The following PTPRM variants were observed in gnomAD, a reference collection of about 807,000 sequenced individuals.
PTPRM encodes protein tyrosine phosphatase receptor type M.
PTPRM carries 47 observed loss-of-function variants against 186.7 expected under a neutral mutation model. The ratio of observed to expected loss-of-function variants is 0.25; its 90% CI spans 0.20 to 0.32. The LOEUF (loss-of-function observed/expected upper bound fraction) is 0.32, where lower values mean the gene tolerates loss of function less well. PTPRM is among the 10% of genes least tolerant of loss of function. The pLI is 1.00. For synonymous variants in PTPRM, 668 were observed against 674.9 expected (o/e 0.99, Z 0.16); for missense variants, 1,494 against 1,865.0 (o/e 0.80, Z 3.66).
chr18:8,349,156 G>A (rs1224662223), intron 23 of PTPRM, among the ~76,000 whole-genome samples: 1 of 152,076 alleles, frequency 6.6e-6, no homozygotes, highest in Admixed American at 6.5e-5. Flanking sequence ...TCACAGCCAA[G>A]AAAAAAACAT....
At chr18:8,341,350 T>C (rs1200583550) in intron 22 of PTPRM, among the ~76,000 whole-genome samples, 1 of 152,194 alleles carries the variant, frequency 6.6e-6, no homozygotes, top group East Asian at 1.9e-4. Flanking sequence ...TCCTGCTATG[T>C]GCCAGGCATT....
intron 29 of PTPRM, among the ~76,000 whole-genome samples, chr18:8,382,521 T>G (rs917905635): frequency 4.6e-5 from 7 of 152,192 alleles, no homozygotes; most frequent in African/African-American, 1.7e-4. Context: ...TGCTATTATT[T>G]GACAAGGCAG....
chr18:7,952,420 C>T (rs1433465345), intron 6 of PTPRM, among the ~76,000 whole-genome samples: 4 of 152,192 alleles, frequency 2.6e-5, no homozygotes, highest in Admixed American at 2.0e-4. Context: ...CAAATGTGGC[C>T]GGGCACAGTG....
intron 7 of PTPRM, among the ~76,000 whole-genome samples, chr18:8,064,979 C>A (rs1353540066): frequency 2.0e-5 from 3 of 152,122 alleles, no homozygotes; most frequent in Non-Finnish European, 4.4e-5. Flanking sequence ...CCATGCCATT[C>A]TGGTTGTTAT....
chr18:8,125,011 G>A (rs2092293817), intron 13 of PTPRM, among the ~76,000 whole-genome samples: 2 of 151,876 alleles, frequency 1.3e-5, no homozygotes, highest in Admixed American at 1.3e-4. Flanking sequence ...GGTGTAGGTG[G>A]GCCCTCCCCT....
At chr18:7,766,183 G>A (rs2042007050) in intron 1 of PTPRM, among the ~76,000 whole-genome samples, 1 of 152,204 alleles carries the variant, frequency 6.6e-6, no homozygotes, top group South Asian at 2.1e-4. Context: ...CTGCACTGAA[G>A]CTCCTGTGTC....
At chr18:8,044,679 C>T (rs567167417) in intron 7 of PTPRM, among the ~76,000 whole-genome samples, 85 of 151,248 alleles carry the variant, frequency 5.6e-4, no homozygotes, top group African/African-American at 2.0e-3. Flanking sequence ...ATCGCTTGAA[C>T]CCAGGAGGCA....
rs74701758 is a variant in PTPRM, at chr18:8,255,144, C to T, written c.2754+1730C>T. Among the ~76,000 whole-genome samples the T allele has an allele frequency of 7.1e-4, 108 of 152,262 alleles. No homozygotes were observed. The East Asian group carries it at 0.018, about 26-fold the overall frequency. On this transcript the variant is annotated intron_variant, in intron 19 of 32. Transcript: ENST00000580170. ...GGATTAAGAGTAAGACTTCCAAAAG[C>T]TTAATATCGTATGAAAGACAAAATT...
intron 7 of PTPRM, among the ~76,000 whole-genome samples, chr18:7,972,479 T>TAAAAAAAAAAAAAAAA (rs11445031): frequency 6.8e-5 from 3 of 44,370 alleles, no homozygotes; most frequent in African/African-American, 1.2e-4. Flanking sequence ...AAAAAAACAT[T>TAAAAAAAAAAAAAAAA]AAAAAAAAAA....
At position 8,378,413 on chromosome 18, in the gene PTPRM, G is replaced by A. The variant is rs202020478; in HGVS notation, c.3611G>A (p.Arg1204Gln). Reference protein sequence around the residue: ...TNSSQIKEEFRTLNMVTPTLR... With the variant: ...TNSSQIKEEFQTLNMVTPTLR... ...TCAAGCCAGATTAAAGAGGAATTCC[G>A]GGTAAGTGATGCCTAAGGGAGGGGC... is the stretch of plus-strand genomic sequence containing the variant. The change falls in exon 27 of 33, where the codon CGG becomes CAG. Residue 1204 changes from arginine (R) to glutamine (Q), a missense_variant and splice_region_variant. Physicochemically the swap from Arg to Gln is conservative, Grantham distance 43 (BLOSUM62 1). This residue lies in a region of PTPRM where 1,107 missense variants were observed against 1,350.2 expected (regional missense o/e 0.82). Transcript: ENST00000580170. The A allele has an allele frequency of 1.2e-5, 20 of 1,613,858 alleles. No homozygotes were observed. Among genetic ancestry groups the A allele is most frequent in the Admixed American group, 1.7e-5 (1 of 59,990 alleles).
chr18:8,379,818 G>A (rs935236867), intron 28 of PTPRM, among the ~76,000 whole-genome samples: 1 of 152,080 alleles, frequency 6.6e-6, no homozygotes, highest in Non-Finnish European at 1.5e-5. Flanking sequence ...AATTCTGTTG[G>A]TGTCATATCA....
intron 2 of PTPRM, among the ~76,000 whole-genome samples, chr18:7,876,663 G>A (rs569355373): frequency 5.3e-5 from 8 of 152,282 alleles, no homozygotes; most frequent in East Asian, 1.9e-4. Flanking sequence ...ACCTGCCCCC[G>A]TGGTAGTGAG....
At chr18:7,901,491 C>T (rs1156580633) in intron 3 of PTPRM, among the ~76,000 whole-genome samples, 4 of 152,182 alleles carry the variant, frequency 2.6e-5, no homozygotes, top group African/African-American at 7.2e-5. Context: ...CTCAGGCTCC[C>T]GAGTAGCTGG....
At chr18:7,584,302 A>G (rs1186369694) in intron 1 of PTPRM, among the ~76,000 whole-genome samples, 1 of 152,180 alleles carries the variant, frequency 6.6e-6, no homozygotes, top group Non-Finnish European at 1.5e-5. Flanking sequence ...GTTTGTAAGT[A>G]AGTACTGATT....
chr18:8,344,607 G>A (rs1044487820), intron 23 of PTPRM, among the ~76,000 whole-genome samples: 6 of 151,830 alleles, frequency 4.0e-5, no homozygotes, highest in African/African-American at 1.5e-4. Flanking sequence ...TATTTTAAAT[G>A]TTTAGCTTAG....
intron 2 of PTPRM, among the ~76,000 whole-genome samples, chr18:7,859,062 A>G (rs1453218534): frequency 6.6e-6 from 1 of 152,226 alleles, no homozygotes; most frequent in Non-Finnish European, 1.5e-5. Context: ...ATCCAAATTT[A>G]TATAAATGAG....
intron 2 of PTPRM, among the ~76,000 whole-genome samples, chr18:7,836,114 G>A (rs1026102104): frequency 6.6e-6 from 1 of 152,002 alleles, no homozygotes; most frequent in Non-Finnish European, 1.5e-5. Context: ...TGATAAGTAA[G>A]GACTTACTCC....
At chr18:7,981,126 C>T (rs575442443) in intron 7 of PTPRM, among the ~76,000 whole-genome samples, 1 of 152,290 alleles carries the variant, frequency 6.6e-6, no homozygotes, top group African/African-American at 2.4e-5. Flanking sequence ...ATCACACCTC[C>T]TCTCCCGCTG....
At chr18:7,845,972 G>A (rs539758957) in intron 2 of PTPRM, among the ~76,000 whole-genome samples, 4 of 152,282 alleles carry the variant, frequency 2.6e-5, no homozygotes, top group African/African-American at 9.6e-5. Context: ...ATTTGAAACA[G>A]CTGAAGCTTG....
Sources: gnomAD v4.1 joint callset for allele counts (sites outside exome capture counted in the v4.1 genomes callset) on GRCh38, gnomAD v4.1.1 for gene constraint, gnomAD v4.1.1 regional missense constraint, MANE v1.5 for transcripts, NCBI Gene and HGNC (gene_info 2026-07-23, HGNC 2026-07-21) for gene names.